LRRC53: variants seen among roughly 807,000 people sequenced by gnomAD.
LRRC53 encodes the protein leucine-rich repeat-containing protein 53.
Under a neutral mutation model 13.6 loss-of-function variants are expected in LRRC53, and 25 were observed. That is an observed-to-expected ratio of 1.83 (90% CI 1.34 to 2.56). The LOEUF is 2.56. Ranked by LOEUF, LRRC53 falls within the 30% of genes most tolerant of loss-of-function variation. The probability of loss-of-function intolerance (pLI) is 0.00; values close to 1 mark genes in which losing one functional copy is unlikely to be tolerated. For synonymous variants in LRRC53, 204 were observed against 109.8 expected, an observed-to-expected ratio of 1.86 and a Z score of -5.37; for missense variants, 527 against 275.8, an observed-to-expected ratio of 1.91 and a Z score of -6.45.
In LRRC53 at chr1:74,483,974, T is replaced by C. The variant is rs573481052; in HGVS notation, c.-26-599A>G. On this transcript the variant is annotated intron_variant, in intron 1 of 4. Transcript: ENST00000294635. ...AATTCAGCTCTGTTTTTACTGACTA[T>C]ATTATCTTAGAAAAAAATATTTCTT... 2.6e-5 allele frequency among the ~76,000 whole-genome samples: 4 copies of C among 152,302 alleles called. No homozygotes were observed. The South Asian group carries it at 6.2e-4, about 24-fold the overall frequency.
intron 1 of LRRC53, among the ~76,000 whole-genome samples, chr1:74,486,257 C>T (rs1668760716): frequency 7.6e-6 from 1 of 132,066 alleles, no homozygotes; most frequent in Non-Finnish European, 1.6e-5. Context: ...TAGTTCCTTT[C>T]TTCTAAGTGA....
At chr1:74,515,048 C>A (rs1243493774), upstream of LRRC53, among the ~76,000 whole-genome samples, 1 of 152,144 alleles carries the variant, frequency 6.6e-6, no homozygotes, top group Non-Finnish European at 1.5e-5. Flanking sequence ...GTAGCCCTCA[C>A]CAGAAACTAG....
chr1:74,474,484 C>A (rs1026348717), intron 4 of LRRC53, among the ~76,000 whole-genome samples: 1 of 152,082 alleles, frequency 6.6e-6, no homozygotes, highest in Non-Finnish European at 1.5e-5. Flanking sequence ...TAGGGCCAGA[C>A]CCCTGTGGTA....
chr1:74,518,385 ACAG>A, the LRRC53 span, among the ~76,000 whole-genome samples: 1 of 152,110 alleles, frequency 6.6e-6, no homozygotes, highest in Non-Finnish European at 1.5e-5. Context: ...TGAGATTTCC[ACAG>A]CATTTTCGTT....
upstream of LRRC53, among the ~76,000 whole-genome samples, chr1:74,512,936 T>G (rs750099717): frequency 6.6e-6 from 1 of 152,194 alleles, no homozygotes; most frequent in Non-Finnish European, 1.5e-5. Flanking sequence ...CTGTCCCTCA[T>G]CCGGGTAAAT....
intron 1 of LRRC53, among the ~76,000 whole-genome samples, chr1:74,509,098 T>G (rs1670052407): frequency 6.6e-6 from 1 of 152,220 alleles, no homozygotes; most frequent in Non-Finnish European, 1.5e-5. Context: ...CTTCTTTTTA[T>G]CACTTATTCT....
At chr1:74,528,000 T>A in the LRRC53 span, among the ~76,000 whole-genome samples, 1 of 152,010 alleles carries the variant, frequency 6.6e-6, no homozygotes, top group South Asian at 2.1e-4. Flanking sequence ...AGTGCTTAAG[T>A]ATGGTAAATA....
chr1:74,487,305 G>A (rs1668815527), intron 1 of LRRC53, among the ~76,000 whole-genome samples: 2 of 152,116 alleles, frequency 1.3e-5, no homozygotes, highest in Admixed American at 1.3e-4. Flanking sequence ...CAAAAGTGAG[G>A]GCAAATTATG....
chr1:74,482,410 T>C (rs1668550033), intron 2 of LRRC53, among the ~76,000 whole-genome samples: 1 of 152,192 alleles, frequency 6.6e-6, no homozygotes, highest in South Asian at 2.1e-4. Flanking sequence ...ATAAATGTAG[T>C]GAAGTCAAGA....
At position 74,497,513 on chromosome 1, in the gene LRRC53, GTCT is replaced by G. The variant is rs1330253627; in HGVS notation, c.-26-14141_-26-14139del. Among the ~76,000 whole-genome samples, 11 of 151,564 alleles carry G rather than the reference GTCT, an allele frequency of 7.3e-5. No homozygotes were observed. The South Asian group carries it at 1.7e-3, about 23-fold the overall frequency. ...CAAACATTGCTTCCTCTTTCCATGG[GTCT>G]TCTTGTTGTTTCTACAATCCCATGG... On this transcript the variant is annotated intron_variant, in intron 1 of 4. Coordinates refer to ENST00000294635, the MANE Select transcript of LRRC53 (RefSeq NM_001382280.1).
chr1:74,529,048 G>T, the LRRC53 span, among the ~76,000 whole-genome samples: 3 of 152,150 alleles, frequency 2.0e-5, no homozygotes, highest in African/African-American at 7.2e-5. Context: ...TGATGACAGT[G>T]ACATCAATAA....
At chr1:74,511,623 C>T (rs1010869581) in intron 1 of LRRC53, among the ~76,000 whole-genome samples, 1 of 151,806 alleles carries the variant, frequency 6.6e-6, no homozygotes, top group African/African-American at 2.4e-5. Flanking sequence ...TATTGGACAC[C>T]CAATGATGGA....
intron 1 of LRRC53, chr1:74,492,264 A>G: frequency 6.5e-7 from 1 of 1,544,226 alleles, no homozygotes; most frequent in Non-Finnish European, 8.8e-7. Context: ...CTTTGTCCCA[A>G]AGGTGAGTGG....
At chr1:74,506,280 T>G (rs1669897362) in intron 1 of LRRC53, among the ~76,000 whole-genome samples, 1 of 152,232 alleles carries the variant, frequency 6.6e-6, no homozygotes, top group Non-Finnish European at 1.5e-5. Flanking sequence ...TAGCACAGAC[T>G]TATTACAACT....
chr1:74,470,878 G>A lies in LRRC53; in HGVS notation c.2744C>T (p.Thr915Ile), dbSNP rs555064866. The change falls in exon 5 of 5, where the codon ACC becomes ATC. Residue 915 changes from threonine to isoleucine, a missense_variant. By Grantham distance (89) the Thr-to-Ile change is moderately conservative. Transcript: ENST00000294635. ...CAAAGAAAACTGATTTAACTCACTG[G>A]TCTTTGATACATTCTGTCCCATGTG... ...TEHMGQNVSK[T>I]SELNQFSLSP... The A allele has an allele frequency of 7.5e-6, 3 of 400,698 alleles. No homozygotes were observed. The highest frequency in any genetic ancestry group is 8.8e-5 in the Admixed American group (2 of 22,734). The allele number at this position is 400,698 out of a possible 1,614,324, so 24.8% of individuals were successfully genotyped here.
upstream of LRRC53, among the ~76,000 whole-genome samples, chr1:74,517,423 CT>C (rs1646365271): frequency 3.3e-5 from 5 of 152,212 alleles, no homozygotes; most frequent in Admixed American, 3.3e-4. Context: ...CCTTCAAACA[CT>C]TACTTGAGCA....
chr1:74,527,170 C>CTGTTTACAGTTTTACTA, the LRRC53 span, among the ~76,000 whole-genome samples: 2 of 152,148 alleles, frequency 1.3e-5, no homozygotes, highest in Non-Finnish European at 2.9e-5. Flanking sequence ...GTTTTACTAG[C>CTGTTTACAGTTTTACTA]CCGTGCCAGG....
intron 1 of LRRC53, among the ~76,000 whole-genome samples, chr1:74,486,319 G>A (rs1557599562): frequency 6.6e-6 from 1 of 151,558 alleles, no homozygotes; most frequent in Non-Finnish European, 1.5e-5. Flanking sequence ...AGTGCCTTCA[G>A]GTAGCTGTCA....
At chr1:74,520,729 G>A in the LRRC53 span, among the ~76,000 whole-genome samples, 2 of 152,062 alleles carry the variant, frequency 1.3e-5, no homozygotes, top group Non-Finnish European at 2.9e-5. Context: ...CATACTATGT[G>A]GTATTTGGGA....
Sources: gnomAD v4.1 joint callset for allele counts (sites outside exome capture counted in the v4.1 genomes callset) on GRCh38, gnomAD v4.1.1 for gene constraint, MANE v1.5 for transcripts, NCBI Gene and HGNC (gene_info 2026-07-23, HGNC 2026-07-21) for gene names.